Variants in ANO3 observed in about 807,000 individuals in gnomAD.
ANO3 encodes anoctamin 3, also known as anoctamin-3.
Under a neutral mutation model 144.8 loss-of-function variants are expected in ANO3, and 99 were observed. The ratio of observed to expected loss-of-function variants is 0.68; its 90% CI spans 0.58 to 0.81. ANO3 has a LOEUF of 0.81. ANO3 is among the 30% of genes least tolerant of loss of function. The pLI is 0.00. For synonymous variants in ANO3, 414 were observed against 392.6 expected, an observed-to-expected ratio of 1.05 and a Z score of -0.64; for missense variants, 905 against 1,202.2, an observed-to-expected ratio of 0.75 and a Z score of 3.66.
chr11:26,240,816 G>C (rs1852647923), intron 1 of ANO3, among the ~76,000 whole-genome samples: 1 of 152,076 alleles, frequency 6.6e-6, no homozygotes, highest in South Asian at 2.1e-4. Context: ...TATTACACTT[G>C]AATATTCTGT....
intron 14 of ANO3, among the ~76,000 whole-genome samples, chr11:26,562,707 G>A (rs1441522222): frequency 6.6e-6 from 1 of 151,762 alleles, no homozygotes; most frequent in East Asian, 1.9e-4. Flanking sequence ...AACTTTAAAA[G>A]AGCTCCAAAT....
chr11:26,655,975 A>AG (rs1194763526), intron 24 of ANO3, 150 bp from the exon 25 acceptor site: 1 of 618,286 alleles, frequency 1.6e-6, no homozygotes, highest in Non-Finnish European at 2.8e-6. Context: ...TATGAGAGTT[A>AG]GGGAATGGAA....
intron 1 of ANO3, among the ~76,000 whole-genome samples, chr11:26,205,762 G>A (rs1241368747): frequency 6.6e-6 from 1 of 152,176 alleles, no homozygotes; most frequent in Non-Finnish European, 1.5e-5. Context: ...GCAGTTGAAT[G>A]AAAGCTACTA....
At chr11:26,568,741 T>C (rs1414940637) in intron 14 of ANO3, among the ~76,000 whole-genome samples, 1 of 152,040 alleles carries the variant, frequency 6.6e-6, no homozygotes, top group Non-Finnish European at 1.5e-5. Flanking sequence ...CAATATTTAC[T>C]TAAATTGATG....
rs569089325 is a variant in ANO3, at chr11:26,355,535, G to T, written c.46+23214G>T. Among the ~76,000 whole-genome samples, 238 of 149,578 alleles carry T rather than the reference G, an allele frequency of 1.6e-3. 2 individuals carry two copies. Among genetic ancestry groups the T allele is most frequent in the African/African-American group, 5.6e-3 (231 of 40,894 alleles). On this transcript the variant is annotated intron_variant, in intron 1 of 26. Transcript: ENST00000256737. Reference sequence around the variant, plus strand: ...ACTGTTGGGGTCTTGTCTTTAATTTGGTATCCTGAAATTTCTTTCTTTCTT... The same window carrying T: ...ACTGTTGGGGTCTTGTCTTTAATTTTGTATCCTGAAATTTCTTTCTTTCTT...
rs779738482 is a variant in ANO3, at chr11:26,660,468, G to T, written c.*24G>T. ...AGTTGACACCTGTTACCCATTAGGG[G>T]TGATAACATTAATGGGAAGAAATGA... is the stretch of plus-strand genomic sequence containing the variant. On this transcript the variant is annotated 3_prime_UTR_variant, in exon 27 of 27. Coordinates refer to ENST00000256737, the MANE Select transcript of ANO3 (RefSeq NM_031418.4). The T allele has an allele frequency of 8.3e-6, 13 of 1,575,758 alleles. No individual in the cohort carries two copies. Among genetic ancestry groups the T allele is most frequent in the African/African-American group, 5.5e-5 (4 of 73,292 alleles).
chr11:26,494,536 A>T (rs1860848390), intron 4 of ANO3, among the ~76,000 whole-genome samples: 1 of 152,220 alleles, frequency 6.6e-6, no homozygotes, highest in Non-Finnish European at 1.5e-5. Flanking sequence ...AGAAATATGA[A>T]TGCTTCCACT....
At chr11:26,478,570 C>T (rs1860074740) in intron 4 of ANO3, among the ~76,000 whole-genome samples, 1 of 152,048 alleles carries the variant, frequency 6.6e-6, no homozygotes, top group Non-Finnish European at 1.5e-5. Context: ...AGATGTTCTC[C>T]TAGAACTTAT....
intron 1 of ANO3, among the ~76,000 whole-genome samples, chr11:26,384,062 C>A (rs1421824071): frequency 6.6e-6 from 1 of 151,350 alleles, no homozygotes; most frequent in Non-Finnish European, 1.5e-5. Flanking sequence ...CATAACCCGG[C>A]TAATTTTTGA....
intron 10 of ANO3, among the ~76,000 whole-genome samples, chr11:26,540,980 T>G (rs1436216625): frequency 3.3e-5 from 5 of 152,122 alleles, no homozygotes; most frequent in Admixed American, 3.3e-4. Context: ...CATTCTACTA[T>G]GAAGGCACAT....
At chr11:26,209,123 C>A (rs1196551637) in intron 1 of ANO3, among the ~76,000 whole-genome samples, 2 of 152,130 alleles carry the variant, frequency 1.3e-5, no homozygotes, top group African/African-American at 4.8e-5. Flanking sequence ...TTAGGTATTT[C>A]TCCTAATGCT....
rs1851698608 is a variant in ANO3, at chr11:26,598,345, A to G, written c.1448-20A>G. The stretch of plus-strand genomic sequence containing the variant: ...TATGATGTGATTTGGGTAAAGAATT[A>G]TCATTTTTATATTTTATAGCCACAG... On this transcript the variant is annotated intron_variant, in intron 14 of 26. Coordinates refer to ENST00000256737, the MANE Select transcript of ANO3 (RefSeq NM_031418.4). 1 of 1,411,412 alleles carries G rather than the reference A, an allele frequency of 7.1e-7. No individual in the cohort carries two copies. Among genetic ancestry groups the G allele is most frequent in the South Asian group, 1.5e-5 (1 of 64,790 alleles). 87.4% of individuals were successfully genotyped at this position (1,411,412 alleles called of 1,614,324 possible). A position where few individuals can be genotyped will look rare whatever the true frequency, so the allele number is the denominator to read the frequency against.
At chr11:26,654,690 C>T (rs1853629860) in intron 24 of ANO3, among the ~76,000 whole-genome samples, 1 of 152,094 alleles carries the variant, frequency 6.6e-6, no homozygotes, top group Non-Finnish European at 1.5e-5. Flanking sequence ...AAGTGTTCAA[C>T]ATATGAAGCA....
intron 1 of ANO3, among the ~76,000 whole-genome samples, chr11:26,389,706 T>C (rs1386508595): frequency 1.3e-5 from 2 of 152,130 alleles, no homozygotes; most frequent in African/African-American, 4.8e-5. Context: ...TGTCTAAAAG[T>C]TGAATATCTC....
chr11:26,234,178 T>C (rs1045045315), intron 1 of ANO3, among the ~76,000 whole-genome samples: 3 of 152,224 alleles, frequency 2.0e-5, no homozygotes, highest in African/African-American at 7.2e-5. Flanking sequence ...ATAAAAAGTT[T>C]GTTAATAGTT....
At chr11:26,416,939 T>A (rs7113405) in intron 1 of ANO3, among the ~76,000 whole-genome samples, 2 of 151,842 alleles carry the variant, frequency 1.3e-5, no homozygotes, top group Non-Finnish European at 2.9e-5. Flanking sequence ...TAAACTATCC[T>A]CTAATAGTTT....
intron 4 of ANO3, among the ~76,000 whole-genome samples, chr11:26,468,277 A>G (rs1450326381): frequency 1.3e-5 from 2 of 152,002 alleles, no homozygotes; most frequent in African/African-American, 4.8e-5. Flanking sequence ...CGGGTCCACC[A>G]CTGTCACTTA....
intron 11 of ANO3, among the ~76,000 whole-genome samples, chr11:26,545,138 G>A (rs1408262271): frequency 6.6e-6 from 1 of 151,980 alleles, no homozygotes; most frequent in Non-Finnish European, 1.5e-5. Context: ...CTTATTTTGA[G>A]TAAGTTGTTC....
chr11:26,280,257 ACATCTACCCCG>A (rs1409149323), intron 1 of ANO3, among the ~76,000 whole-genome samples: 1 of 152,152 alleles, frequency 6.6e-6, no homozygotes, highest in African/African-American at 2.4e-5. Flanking sequence ...TTTTATTATC[ACATCTACCCCG>A]CTAGCCTTCA....
Sources: gnomAD v4.1 joint callset for allele counts (sites outside exome capture counted in the v4.1 genomes callset) on GRCh38, gnomAD v4.1.1 for gene constraint, MANE v1.5 for transcripts, NCBI Gene and HGNC (gene_info 2026-07-23, HGNC 2026-07-21) for gene names.